GRK5: variants seen among roughly 807,000 people sequenced by gnomAD.
GRK5 encodes G protein-coupled receptor kinase 5, also known as g protein-coupled receptor kinase GRK5.
GRK5 carries 40 observed loss-of-function variants against 78.4 expected under a neutral mutation model. That is an observed-to-expected ratio of 0.51 (90% CI 0.40 to 0.66). GRK5 has a LOEUF of 0.66. Among genes scored for constraint, GRK5 ranks in the 30% least tolerant of loss-of-function variants. The pLI is 0.00. For missense variants in GRK5, 598 were observed against 759.9 expected (o/e 0.79, Z 2.50); for synonymous variants, 289 against 296.8 (o/e 0.97, Z 0.27).
At chr10:119,313,209 G>GATGA (rs1564887310) in intron 1 of GRK5, among the ~76,000 whole-genome samples, 15 of 148,338 alleles carry the variant, frequency 1.0e-4, no homozygotes, top group Non-Finnish European at 1.9e-4. Flanking sequence ...GGTAATGGTA[G>GATGA]TGGTGGTGGT....
At chr10:119,261,111 GC>G (rs1849384394) in intron 1 of GRK5, among the ~76,000 whole-genome samples, 1 of 148,060 alleles carries the variant, frequency 6.8e-6, no homozygotes, top group Non-Finnish European at 1.5e-5. Context: ...CTGGGTGGCT[GC>G]CGGGCGGAGG....
intron 1 of GRK5, among the ~76,000 whole-genome samples, chr10:119,266,060 C>T (rs1849490715): frequency 1.3e-5 from 2 of 152,328 alleles, no homozygotes; most frequent in Non-Finnish European, 1.5e-5. Flanking sequence ...TGTGGCCTCC[C>T]CCAGAAGGCT....
At chr10:119,372,853 C>T (rs1439178722) in intron 2 of GRK5, among the ~76,000 whole-genome samples, 1 of 152,226 alleles carries the variant, frequency 6.6e-6, no homozygotes, top group Non-Finnish European at 1.5e-5. Context: ...GGGCCCTGTG[C>T]TCATCTCCGA....
chr10:119,400,845 A>T (rs756683356), intron 4 of GRK5, among the ~76,000 whole-genome samples: 14 of 152,210 alleles, frequency 9.2e-5, no homozygotes, highest in Non-Finnish European at 1.3e-4. Context: ...GGGAGGAACA[A>T]AGGGCCTTGC....
intron 1 of GRK5, among the ~76,000 whole-genome samples, chr10:119,266,549 T>C (rs903445542): frequency 2.6e-5 from 4 of 152,106 alleles, no homozygotes; most frequent in Non-Finnish European, 5.9e-5. Context: ...TTCCTTCCCT[T>C]CATAACTTGG....
At chr10:119,449,318 CT>C (rs1398918897) in intron 13 of GRK5, among the ~76,000 whole-genome samples, 1 of 152,198 alleles carries the variant, frequency 6.6e-6, no homozygotes, top group African/African-American at 2.4e-5. Flanking sequence ...GGGGACCGTC[CT>C]TGGAACTCTG....
rs144609759 is a variant in GRK5 at position 119,297,695 on chromosome 10, C to G, written c.53-28821C>G. ...CCTCTTGCTCTCTTGCTCTTGCCCCCTCTTGCCCTTCTGCCTTCCACCACA... is the reference window on the plus strand; with the variant it reads ...CCTCTTGCTCTCTTGCTCTTGCCCCGTCTTGCCCTTCTGCCTTCCACCACA... On this transcript the variant is annotated intron_variant, in intron 1 of 15. Coordinates refer to ENST00000392870, the MANE Select transcript of GRK5 (RefSeq NM_005308.3). 2.6e-5 allele frequency among the ~76,000 whole-genome samples: 4 copies of G among 152,346 alleles called. No homozygotes were observed. In the South Asian group the frequency reaches 6.2e-4, roughly 24 times the overall value.
At chr10:119,311,338 C>A (rs1287572200) in intron 1 of GRK5, among the ~76,000 whole-genome samples, 1 of 152,088 alleles carries the variant, frequency 6.6e-6, no homozygotes, top group African/African-American at 2.4e-5. Context: ...TGAGACAGAG[C>A]CTGGCAGGAA....
At chr10:119,318,701 G>A (rs1253788952) in intron 1 of GRK5, among the ~76,000 whole-genome samples, 3 of 152,006 alleles carry the variant, frequency 2.0e-5, no homozygotes, top group African/African-American at 7.3e-5. Flanking sequence ...TGCCTTCCTG[G>A]AGCTCAGGTC....
At chr10:119,398,887 G>A (rs1047070207) in intron 4 of GRK5, among the ~76,000 whole-genome samples, 7 of 152,322 alleles carry the variant, frequency 4.6e-5, no homozygotes, top group Middle Eastern at 3.4e-3. Context: ...CAGTGAGGGC[G>A]GAGTGCTCCC....
rs145374736 is a variant in GRK5, at chr10:119,335,181, T to C, written c.148+8570T>C. Among the ~76,000 whole-genome samples the C allele has an allele frequency of 5.7e-3, 703 of 124,182 alleles. 11 individuals carry two copies. Among genetic ancestry groups the C allele is most frequent in the East Asian group, 0.028 (100 of 3,602 alleles). 81.5% of individuals were successfully genotyped at this position (124,182 alleles called of 152,430 possible). A position where few individuals can be genotyped will look rare whatever the true frequency, so the allele number is the denominator to read the frequency against. On this transcript the variant is annotated intron_variant, in intron 2 of 15. Coordinates refer to ENST00000392870, the MANE Select transcript of GRK5 (RefSeq NM_005308.3). ...CTCTCTCTCTCTCTCTCTCTCCCCC[T>C]CTCCCTCTCCCCCCACCTCCTCTTT...
At chr10:119,413,616 C>G (rs963708006) in intron 4 of GRK5, among the ~76,000 whole-genome samples, 2 of 152,092 alleles carry the variant, frequency 1.3e-5, no homozygotes, top group Admixed American at 1.3e-4. Flanking sequence ...TGGTGCCGTG[C>G]TGCATTCCAT....
At chr10:119,364,089 C>A (rs1396370807) in intron 2 of GRK5, among the ~76,000 whole-genome samples, 3 of 152,198 alleles carry the variant, frequency 2.0e-5, no homozygotes, top group African/African-American at 4.8e-5. Context: ...TCTGCTGATC[C>A]TCGGATTCTC....
chr10:119,226,256 G>A (rs1304715274), intron 1 of GRK5, among the ~76,000 whole-genome samples: 1 of 150,666 alleles, frequency 6.6e-6, no homozygotes, highest in Non-Finnish European at 1.5e-5. Flanking sequence ...GGGATTACAG[G>A]TGTGAGCCAC....
At chr10:119,394,320 G>A (rs1851969573) in intron 3 of GRK5, among the ~76,000 whole-genome samples, 2 of 112,600 alleles carry the variant, frequency 1.8e-5, no homozygotes, top group Non-Finnish European at 2.0e-5. Context: ...GCACGTGGGT[G>A]TGTGTATCTG....
chr10:119,381,720 G>A (rs1037965493), intron 3 of GRK5, among the ~76,000 whole-genome samples: 1 of 152,126 alleles, frequency 6.6e-6, no homozygotes, highest in Non-Finnish European at 1.5e-5. Context: ...AGTGGAGAGC[G>A]GTCATGAAGG....
chr10:119,236,299 T>G (rs1364222118), intron 1 of GRK5, among the ~76,000 whole-genome samples: 1 of 152,034 alleles, frequency 6.6e-6, no homozygotes, highest in Non-Finnish European at 1.5e-5. Flanking sequence ...CACTGCAAGC[T>G]CCGCCTCCCG....
chr10:119,348,173 G>A (rs1194762915), intron 2 of GRK5, among the ~76,000 whole-genome samples: 1 of 152,170 alleles, frequency 6.6e-6, no homozygotes. Context: ...TCTTTCTACT[G>A]CTGGCCACCC....
At chr10:119,298,806 C>T (rs1850125983) in intron 1 of GRK5, among the ~76,000 whole-genome samples, 1 of 152,198 alleles carries the variant, frequency 6.6e-6, no homozygotes, top group African/African-American at 2.4e-5. Flanking sequence ...TGAGCCTTTG[C>T]ACATGCTGTT....
Sources: gnomAD v4.1 joint callset for allele counts (sites outside exome capture counted in the v4.1 genomes callset) on GRCh38, gnomAD v4.1.1 for gene constraint, MANE v1.5 for transcripts, NCBI Gene and HGNC (gene_info 2026-07-23, HGNC 2026-07-21) for gene names.